Variants in CDH12 observed in about 807,000 individuals in gnomAD.
The protein encoded by CDH12 is cadherin 12, also known as cadherin-12.
CDH12 carries 41 observed loss-of-function variants against 74.1 expected under a neutral mutation model. That is an observed-to-expected ratio of 0.55 (90% CI 0.43 to 0.72). CDH12 has a LOEUF of 0.72. Among genes scored for constraint, CDH12 ranks in the 30% least tolerant of loss-of-function variants. The pLI, the probability that CDH12 is intolerant of heterozygous loss-of-function variation, is 0.00. For missense variants in CDH12, 945 were observed against 977.2 expected (o/e 0.97, Z 0.44); for synonymous variants, 399 against 355.0 (o/e 1.12, Z -1.39).
chr5:22,278,938 T>C (rs1388150697), intron 3 of CDH12, among the ~76,000 whole-genome samples: 1 of 152,190 alleles, frequency 6.6e-6, no homozygotes, highest in African/African-American at 2.4e-5. Context: ...TTCTCAAGGA[T>C]ATTAAACAGT....
chr5:22,321,015 CA>C (rs1738853185), intron 3 of CDH12, among the ~76,000 whole-genome samples: 1 of 152,090 alleles, frequency 6.6e-6, no homozygotes, highest in Non-Finnish European at 1.5e-5. Context: ...ACAAAATAAA[CA>C]GTGAATAGGC....
intron 6 of CDH12, among the ~76,000 whole-genome samples, chr5:21,880,660 T>TTTCTTTCTTTCTTTCTTTCTTTCTTTCC (rs1752286384): frequency 7.3e-6 from 1 of 137,396 alleles, no homozygotes; most frequent in Admixed American, 7.7e-5. Context: ...TCTTTCTTTC[T>TTTCTTTCTTTCTTTCTTTCTTTCTTTCC]TTCTTTCTTT....
intron 2 of CDH12, among the ~76,000 whole-genome samples, chr5:22,457,418 CTTCTTCA>C: frequency 6.6e-6 from 1 of 150,992 alleles, no homozygotes; most frequent in African/African-American, 2.5e-5. Flanking sequence ...TCTTCCTCTT[CTTCTTCA>C]TTTTTTTTTT....
intron 3 of CDH12, among the ~76,000 whole-genome samples, chr5:22,402,535 G>A (rs1007017270): frequency 3.3e-5 from 5 of 152,192 alleles, no homozygotes; most frequent in Non-Finnish European, 2.9e-5. Context: ...CAAGTGAGGT[G>A]TTGAGGGTGA....
At chr5:22,731,902 T>C (rs2127004600) in intron 1 of CDH12, among the ~76,000 whole-genome samples, 1 of 151,880 alleles carries the variant, frequency 6.6e-6, no homozygotes, top group East Asian at 1.9e-4. Flanking sequence ...AAACATGAAC[T>C]TAGTAATAAC....
At chr5:22,497,707 A>ATCT (rs1332530245) in intron 2 of CDH12, among the ~76,000 whole-genome samples, 1 of 116,968 alleles carries the variant, frequency 8.5e-6, no homozygotes, top group Admixed American at 1.2e-4. Context: ...CAGTGGTGTG[A>ATCT]TCTCGGCTCA....
At chr5:22,217,691 A>G (rs937931643) in intron 3 of CDH12, among the ~76,000 whole-genome samples, 9 of 151,936 alleles carry the variant, frequency 5.9e-5, no homozygotes, top group Middle Eastern at 3.4e-3. Flanking sequence ...AGTAATGACT[A>G]GAGTTATACA....
chr5:22,699,303 ACTT>A (rs1185973680), intron 1 of CDH12, among the ~76,000 whole-genome samples: 1 of 151,258 alleles, frequency 6.6e-6, no homozygotes, highest in Admixed American at 6.6e-5. Context: ...ATATAGGAAA[ACTT>A]CTTTTTAGAA....
intron 9 of CDH12, among the ~76,000 whole-genome samples, chr5:21,811,634 T>C (rs990978634): frequency 6.6e-6 from 1 of 151,730 alleles, no homozygotes; most frequent in Non-Finnish European, 1.5e-5. Context: ...TCTAGACAAT[T>C]TGAATTTTTA....
At chr5:22,363,330 T>C (rs1299492093) in intron 3 of CDH12, among the ~76,000 whole-genome samples, 1 of 152,168 alleles carries the variant, frequency 6.6e-6, no homozygotes, top group Admixed American at 6.6e-5. Context: ...TCCAGGTTTA[T>C]ATAACATTTA....
chr5:22,303,717 A>G (rs1737990033), intron 3 of CDH12, among the ~76,000 whole-genome samples: 1 of 152,244 alleles, frequency 6.6e-6, no homozygotes, highest in East Asian at 1.9e-4. Context: ...TTCATGACCG[A>G]TTATCTTACA....
intron 4 of CDH12, among the ~76,000 whole-genome samples, chr5:22,105,827 T>G (rs1744408554): frequency 6.6e-6 from 1 of 152,180 alleles, no homozygotes; most frequent in East Asian, 1.9e-4. Flanking sequence ...GACCCTATTT[T>G]TAAAAATAAA....
chr5:22,099,241 G>A (rs1350213073), intron 4 of CDH12, among the ~76,000 whole-genome samples: 2 of 152,086 alleles, frequency 1.3e-5, no homozygotes, highest in Admixed American at 1.3e-4. Context: ...TATACGGTCT[G>A]ATAACAGACC....
chr5:22,441,751 C>G (rs989798919), intron 2 of CDH12, among the ~76,000 whole-genome samples: 3 of 152,126 alleles, frequency 2.0e-5, no homozygotes, highest in African/African-American at 7.2e-5. Flanking sequence ...GTCGCCCAGG[C>G]TGGAGTGCAG....
intron 6 of CDH12, among the ~76,000 whole-genome samples, chr5:21,937,778 G>C (rs1449512209): frequency 8.5e-5 from 13 of 152,100 alleles, no homozygotes; most frequent in Admixed American, 8.5e-4. Context: ...AGGGCTGCAG[G>C]GCCATGCTCA....
At chr5:22,495,597 A>AAT (rs1412674148) in intron 2 of CDH12, among the ~76,000 whole-genome samples, 4 of 152,122 alleles carry the variant, frequency 2.6e-5, no homozygotes, top group Admixed American at 1.3e-4. Context: ...CACACACATA[A>AAT]ATATATATAT....
chr5:22,521,018 GTTGT>G (rs1737034312), intron 1 of CDH12, among the ~76,000 whole-genome samples: 1 of 150,854 alleles, frequency 6.6e-6, no homozygotes, highest in South Asian at 2.1e-4. Flanking sequence ...AGTAAAGCGT[GTTGT>G]TTAACTGAGC....
rs1321754948 is a variant in CDH12 at position 22,011,480 on chromosome 5, A to G, written c.232-36095T>C. 2.0e-5 allele frequency among the ~76,000 whole-genome samples: 3 copies of G among 152,306 alleles called. 1 individual carries two copies. The East Asian group carries it at 5.8e-4, about 29-fold the overall frequency. ...GTTTTGCCTTTTATTGAACAAAACA[A>G]TTGTGTGTATGTCCATTTAACTTCT... is the stretch of plus-strand genomic sequence containing the variant. On this transcript the variant is annotated intron_variant, in intron 5 of 14. Coordinates refer to ENST00000382254, the MANE Select transcript of CDH12 (RefSeq NM_004061.5).
chr5:21,881,547 GTTTTA>G (rs747154390), intron 6 of CDH12, among the ~76,000 whole-genome samples: 16 of 151,810 alleles, frequency 1.1e-4, no homozygotes, highest in Non-Finnish European at 2.4e-4. Context: ...TAACTAAGCT[GTTTTA>G]TTTTGTTTGT....
Sources: allele counts gnomAD v4.1 joint callset (sites outside exome capture counted in the v4.1 genomes callset), GRCh38; gene constraint gnomAD v4.1.1; transcripts MANE v1.5; gene names NCBI Gene and HGNC (gene_info 2026-07-23, HGNC 2026-07-21).